The following CSN3 variants were observed in gnomAD, a reference collection of about 807,000 sequenced individuals.
The protein encoded by CSN3 is casein kappa, also known as kappa-casein.
In CSN3, 7 loss-of-function variants were observed where a neutral mutation model predicts 9.9. The ratio of observed to expected loss-of-function variants is 0.71; its 90% CI spans 0.40 to 1.33. The LOEUF is 1.33. Ranked by LOEUF, CSN3 falls within the 40% of genes most tolerant of loss-of-function variation. The pLI is 0.01. For synonymous variants in CSN3, 88 were observed against 82.3 expected, an observed-to-expected ratio of 1.07 and a Z score of -0.37; for missense variants, 253 against 227.9, an observed-to-expected ratio of 1.11 and a Z score of -0.71.
At chr4:70,243,076 T>A (rs1730304743) in intron 1 of CSN3, 1 of 395,590 alleles carries the variant, frequency 2.5e-6, no homozygotes, top group Non-Finnish European at 3.4e-6. Flanking sequence ...ATGGAATAAT[T>A]ATTTTTTTAA....
exon 4 of CSN3, chr4:70,249,084 T>C (rs774057433): frequency 1.2e-6 from 2 of 1,614,046 alleles, no homozygotes; most frequent in Non-Finnish European, 1.7e-6. Context: ...ATCCTTATTA[T>C]GGAACCAATT....
intron 2 of CSN3, 23 bp from the exon 3 acceptor site, chr4:70,247,795 T>C (rs1203156745): frequency 1.9e-6 from 3 of 1,580,308 alleles, no homozygotes; most frequent in African/African-American, 1.4e-5. Context: ...TTTCTCATTA[T>C]TTCTTCTTCT....
chr4:70,238,544 G>T (rs1169221148), upstream of CSN3, among the ~76,000 whole-genome samples: 1 of 151,848 alleles, frequency 6.6e-6, no homozygotes, highest in Non-Finnish European at 1.5e-5. Flanking sequence ...AATCCATTGA[G>T]AATTTAATCA....
chr4:70,238,740 G>A (rs561972955), upstream of CSN3, among the ~76,000 whole-genome samples: 56 of 151,860 alleles, frequency 3.7e-4, 1 homozygote, highest in Admixed American at 1.2e-3. Context: ...TGTCAGATTT[G>A]GGGTATATTG....
intron 2 of CSN3, among the ~76,000 whole-genome samples, chr4:70,247,317 T>C (rs945294215): frequency 3.9e-5 from 6 of 152,074 alleles, no homozygotes; most frequent in Non-Finnish European, 8.8e-5. Context: ...TAAAAACAAA[T>C]GAAAGATGGT....
exon 4 of CSN3, chr4:70,249,423 G>A: frequency 6.2e-7 from 1 of 1,613,936 alleles, no homozygotes; most frequent in Non-Finnish European, 8.5e-7. Flanking sequence ...GCACCCCTGA[G>A]ACAACCACAG....
rs754067840 is a variant in CSN3 at position 70,249,357 on chromosome 4, A to G, written c.447A>G (p.Glu149=). The change falls in exon 4 of 5, where the codon GAA becomes GAG. Residue 149 remains glutamate (E), a synonymous_variant. Transcript: ENST00000304954. ...AACCTACACCAGCTCCTGCCACTGA[A>G]CCAACGGTGGACAGTGTAGTCACTC... 5.0e-6 allele frequency: 8 copies of G among 1,614,056 alleles called. No individual in the cohort carries two copies. The South Asian group carries it at 8.8e-5, about 18-fold the overall frequency.
intron 2 of CSN3, among the ~76,000 whole-genome samples, chr4:70,247,055 T>C (rs1419254282): frequency 1.3e-5 from 2 of 152,188 alleles, no homozygotes; most frequent in Non-Finnish European, 2.9e-5. Flanking sequence ...GAAACTTTAT[T>C]ACCTTCTCAA....
upstream of CSN3, among the ~76,000 whole-genome samples, chr4:70,239,353 C>T (rs1367419273): frequency 6.6e-6 from 1 of 151,806 alleles, no homozygotes; most frequent in Non-Finnish European, 1.5e-5. Context: ...CAGAGATCAT[C>T]GTTGATCTGG....
At chr4:70,250,203 A>G (rs1730455389) in intron 4 of CSN3, among the ~76,000 whole-genome samples, 2 of 152,242 alleles carry the variant, frequency 1.3e-5, no homozygotes, top group African/African-American at 4.8e-5. Flanking sequence ...AGAAGAATTT[A>G]AACAAAGAGA....
At chr4:70,245,689 C>G (rs1457191455) in intron 2 of CSN3, among the ~76,000 whole-genome samples, 1 of 152,022 alleles carries the variant, frequency 6.6e-6, no homozygotes, top group Non-Finnish European at 1.5e-5. Flanking sequence ...GAACACTAGT[C>G]CTCGTTCTGT....
intron 2 of CSN3, among the ~76,000 whole-genome samples, chr4:70,247,124 A>G (rs1240053571): frequency 6.6e-6 from 1 of 152,184 alleles, no homozygotes; most frequent in Non-Finnish European, 1.5e-5. Flanking sequence ...TTTATACCCA[A>G]GGAATACATG....
chr4:70,238,414 T>C (rs539639584), upstream of CSN3, among the ~76,000 whole-genome samples: 108 of 151,894 alleles, frequency 7.1e-4, no homozygotes, highest in African/African-American at 2.4e-3. Flanking sequence ...GAAATGTCAT[T>C]GAAACCAGCA....
rs1730476169 is a variant in CSN3, at chr4:70,251,248, A to G, written c.*35-14A>G. Reference sequence around the variant, plus strand: ...ACTATGAATAAATTTCTAAACTATCATTATTTTTTATAGGACTTGCTGAAA... The same window carrying G: ...ACTATGAATAAATTTCTAAACTATCGTTATTTTTTATAGGACTTGCTGAAA... On this transcript the variant is annotated splice_polypyrimidine_tract_variant and intron_variant, in intron 4 of 4. Transcript: ENST00000304954. The G allele has an allele frequency of 6.6e-6, 1 of 152,146 alleles. No individual in the cohort carries two copies. Among genetic ancestry groups the G allele is most frequent in the African/African-American group, 2.4e-5 (1 of 41,432 alleles). 9.4% of individuals were successfully genotyped at this position (152,146 alleles called of 1,614,324 possible).
exon 4 of CSN3, chr4:70,248,998 T>C: frequency 6.4e-7 from 1 of 1,565,700 alleles, no homozygotes; most frequent in East Asian, 2.3e-5. Context: ...TTTTTTGCAG[T>C]GCCATGAGAA....
At chr4:70,249,971 CATTTCTTT>C (rs1190316954) in intron 4 of CSN3, among the ~76,000 whole-genome samples, 1 of 152,156 alleles carries the variant, frequency 6.6e-6, no homozygotes, top group African/African-American at 2.4e-5. Flanking sequence ...TGCTTCCATG[CATTTCTTT>C]ATTTCAGACA....
At chr4:70,239,439 C>A (rs907820359), upstream of CSN3, among the ~76,000 whole-genome samples, 1 of 151,752 alleles carries the variant, frequency 6.6e-6, no homozygotes, top group Non-Finnish European at 1.5e-5. Flanking sequence ...GTCTTGGGTT[C>A]GTGTTGGAGA....
chr4:70,241,487 T>C (rs1316292201), upstream of CSN3, among the ~76,000 whole-genome samples: 5 of 152,078 alleles, frequency 3.3e-5, no homozygotes, highest in Non-Finnish European at 5.9e-5. Flanking sequence ...GTTCTGGCAG[T>C]CCTACATTAA....
At chr4:70,243,559 C>G (rs190802215) in intron 1 of CSN3, among the ~76,000 whole-genome samples, 16 of 152,014 alleles carry the variant, frequency 1.1e-4, no homozygotes, top group Non-Finnish European at 1.5e-5. Flanking sequence ...GGCTTTCCAT[C>G]CCCTATCTGA....
Sources: gnomAD v4.1 joint callset for allele counts (sites outside exome capture counted in the v4.1 genomes callset) on GRCh38, gnomAD v4.1.1 for gene constraint, MANE v1.5 for transcripts, NCBI Gene and HGNC (gene_info 2026-07-23, HGNC 2026-07-21) for gene names.